Variants in TANC1 observed in about 807,000 individuals in gnomAD.
TANC1 encodes protein TANC1.
Under a neutral mutation model 149.7 loss-of-function variants are expected in TANC1, and 77 were observed. The observed-to-expected ratio is 0.51, with a 90% CI of 0.43 to 0.62. The LOEUF is 0.62. Among genes scored for constraint, TANC1 ranks in the 20% least tolerant of loss-of-function variants. The pLI is 0.00. For synonymous variants in TANC1, 854 were observed against 925.0 expected (o/e 0.92, Z 1.39); for missense variants, 1,985 against 2,321.8 (o/e 0.85, Z 2.98).
chr2:159,013,708 C>T (rs539984761), intron 2 of TANC1, among the ~76,000 whole-genome samples: 4 of 152,098 alleles, frequency 2.6e-5, no homozygotes, highest in South Asian at 2.1e-4. Flanking sequence ...GAGAGGCACC[C>T]GAGGACTGGG....
chr2:159,146,760 C>T (rs2052158746), intron 5 of TANC1, among the ~76,000 whole-genome samples: 1 of 151,998 alleles, frequency 6.6e-6, no homozygotes, highest in African/African-American at 2.4e-5. Flanking sequence ...AGGCTGCTCT[C>T]AAACTTCTGA....
intron 16 of TANC1, among the ~76,000 whole-genome samples, chr2:159,188,515 C>T (rs1372777767): frequency 4.6e-5 from 7 of 152,366 alleles, no homozygotes; most frequent in South Asian, 4.1e-4. Context: ...GGTGGCCAGC[C>T]GCAAGCTGTG....
At chr2:159,161,371 G>C (rs1575031691) in intron 7 of TANC1, among the ~76,000 whole-genome samples, 1 of 152,210 alleles carries the variant, frequency 6.6e-6, no homozygotes, top group Non-Finnish European at 1.5e-5. Context: ...GGATGTTGGA[G>C]TAGCCTGTGA....
At position 159,219,566 on chromosome 2, in the gene TANC1, T is replaced by C. The variant is rs2303335; in HGVS notation, c.3503-126T>C. On this transcript the variant is annotated intron_variant, in intron 21 of 26. Transcript: ENST00000263635. ...CCATTCTGCCAGCCCATCCGGCCAG[T>C]GTCACCCTTCACAGTGCTTGACTGA... 381 of 1,331,034 alleles carry C rather than the reference T, an allele frequency of 2.9e-4. 2 individuals carry two copies. The highest frequency in any genetic ancestry group is 3.8e-4 in the Non-Finnish European group (355 of 940,698). The allele number at this position is 1,331,034 out of a possible 1,614,324, so 82.5% of individuals were successfully genotyped here.
chr2:159,034,740 C>T (rs1215454837), intron 2 of TANC1, among the ~76,000 whole-genome samples: 2 of 152,222 alleles, frequency 1.3e-5, no homozygotes, highest in African/African-American at 2.4e-5. Context: ...GTTATGTAAG[C>T]TTGCTTTCTA....
At chr2:159,189,163 G>A (rs1345232741) in intron 16 of TANC1, among the ~76,000 whole-genome samples, 1 of 152,242 alleles carries the variant, frequency 6.6e-6, no homozygotes, top group Non-Finnish European at 1.5e-5. Context: ...CATTTATTAT[G>A]TTTACATGAA....
chr2:159,012,751 G>A (rs185268722), intron 2 of TANC1, among the ~76,000 whole-genome samples: 2 of 152,246 alleles, frequency 1.3e-5, no homozygotes, highest in African/African-American at 4.8e-5. Flanking sequence ...AGGTCATTTA[G>A]GAGGCTGTGG....
chr2:159,175,239 G>C, intron 12 of TANC1, 55 bp downstream of exon 12: 2 of 1,466,168 alleles, frequency 1.4e-6, no homozygotes, highest in Non-Finnish European at 1.9e-6. Context: ...AGCAGACACA[G>C]GTGGTCCCCA....
chr2:158,994,177 A>G (rs1188844697), intron 1 of TANC1, among the ~76,000 whole-genome samples: 1 of 152,226 alleles, frequency 6.6e-6, no homozygotes, highest in Admixed American at 6.5e-5. Flanking sequence ...TTTGCAATTA[A>G]CCATAGAAGC....
At chr2:159,177,414 T>C (rs988859127) in intron 13 of TANC1, among the ~76,000 whole-genome samples, 1 of 152,254 alleles carries the variant, frequency 6.6e-6, no homozygotes, top group Non-Finnish European at 1.5e-5. Context: ...CATTAGGTTT[T>C]GATTTTTGCC....
chr2:159,224,775 T>C (rs1444876777), intron 23 of TANC1: 1 of 177,784 alleles, frequency 5.6e-6, no homozygotes, highest in African/African-American at 2.3e-5. Context: ...CAAGTTTCTG[T>C]GAAGAAGTAG....
At position 159,219,247 on chromosome 2, in the gene TANC1, C is replaced by A. The variant is rs758123909; in HGVS notation, c.3388C>A (p.Leu1130Met). Reference protein sequence around the residue: ...ARQGHWQIVRLLLERGCDVNL... With the variant: ...ARQGHWQIVRMLLERGCDVNL... Reference sequence around the variant, plus strand: ...CAAATGTCTCTTCCAGATTGTTAGACTGCTGTTGGAACGCGGCTGTGATGT... The same window carrying A: ...CAAATGTCTCTTCCAGATTGTTAGAATGCTGTTGGAACGCGGCTGTGATGT... The change falls in exon 21 of 27, where the codon CTG becomes ATG. Residue 1130 changes from leucine to methionine, a missense_variant. Physicochemically the swap from Leu to Met is conservative, Grantham distance 15. Transcript: ENST00000263635. 6.2e-7 allele frequency: 1 copy of A among 1,614,176 alleles called. No homozygotes were observed. The highest frequency in any genetic ancestry group is 8.5e-7 in the Non-Finnish European group (1 of 1,180,044).
intron 4 of TANC1, among the ~76,000 whole-genome samples, chr2:159,101,132 C>G (rs947760744): frequency 6.6e-6 from 1 of 152,146 alleles, no homozygotes; most frequent in East Asian, 1.9e-4. Context: ...AGATGCCCCC[C>G]ACCCCTGCCA....
At chr2:159,024,019 A>G (rs957674831) in intron 2 of TANC1, among the ~76,000 whole-genome samples, 2 of 152,150 alleles carry the variant, frequency 1.3e-5, no homozygotes, top group African/African-American at 4.8e-5. Flanking sequence ...GCATATAACA[A>G]ACCATCATGT....
At position 159,230,344 on chromosome 2, in the gene TANC1, G is replaced by A. The variant is rs1312323711; in HGVS notation, c.4918G>A (p.Ala1640Thr). 9.3e-6 allele frequency: 15 copies of A among 1,613,934 alleles called. No homozygotes were observed. Among genetic ancestry groups the A allele is most frequent in the Middle Eastern group, 1.6e-4 (1 of 6,084 alleles). ...GTCTCATTCCTCCGTGGCTGTGGAC[G>A]CAGCCCCTCCAAACCAAGGTGGGCT... ...LLSHSSVAVD[A>T]APPNQGGLAT... is the part of the protein sequence containing the mutation. Residue 1640 changes from alanine to threonine, a missense_variant, in exon 27 of 27, where the codon GCA becomes ACA. Coordinates refer to ENST00000263635, the MANE Select transcript of TANC1 (RefSeq NM_033394.3). This position sits in a 1 kb window ranked among gnomAD's most constrained non-coding sequence, Gnocchi z 4.4.
chr2:159,145,833 C>T (rs1429310686), intron 5 of TANC1, among the ~76,000 whole-genome samples: 3 of 152,166 alleles, frequency 2.0e-5, no homozygotes, highest in African/African-American at 7.2e-5. Context: ...AGGGCATTCT[C>T]TCATCTCCAA....
At chr2:159,200,905 A>G (rs1029077859) in intron 19 of TANC1, among the ~76,000 whole-genome samples, 1 of 152,166 alleles carries the variant, frequency 6.6e-6, no homozygotes, top group Non-Finnish European at 1.5e-5. Context: ...TCCCTTCCAA[A>G]GCCTCATGAG....
intron 2 of TANC1, chr2:159,060,159 C>G (rs918969024): frequency 1.2e-6 from 1 of 838,018 alleles, no homozygotes; most frequent in African/African-American, 1.8e-5. Flanking sequence ...GCTTCTAACA[C>G]AGAGGATGTT....
intron 19 of TANC1, among the ~76,000 whole-genome samples, chr2:159,208,975 G>A (rs776301932): frequency 1.4e-4 from 21 of 152,206 alleles, no homozygotes; most frequent in Non-Finnish European, 2.6e-4. Context: ...GTCTAAACAT[G>A]TCTAAACATA....
Sources: allele counts gnomAD v4.1 joint callset (sites outside exome capture counted in the v4.1 genomes callset), GRCh38; gene constraint gnomAD v4.1.1; non-coding constraint Gnocchi (gnomAD v3.1); transcripts MANE v1.5; gene names NCBI Gene and HGNC (gene_info 2026-07-23, HGNC 2026-07-21).